The following DGKB variants were observed in gnomAD, a reference collection of about 807,000 sequenced individuals.
The protein encoded by DGKB is diacylglycerol kinase beta.
In DGKB, 67 loss-of-function variants were observed where a neutral mutation model predicts 114.3. The observed-to-expected ratio is 0.59, with a 90% CI of 0.48 to 0.72. The LOEUF is 0.72. Among genes scored for constraint, DGKB ranks in the 30% least tolerant of loss-of-function variants. The probability of loss-of-function intolerance (pLI) is 0.00; values close to 1 mark genes in which losing one functional copy is unlikely to be tolerated. For synonymous variants in DGKB, 398 were observed against 323.1 expected (o/e 1.23, Z -2.49); for missense variants, 907 against 975.2 (o/e 0.93, Z 0.93).
At chr7:14,700,780 G>A (rs1461863890) in intron 7 of DGKB, among the ~76,000 whole-genome samples, 2 of 151,970 alleles carry the variant, frequency 1.3e-5, no homozygotes, top group Non-Finnish European at 2.9e-5. Flanking sequence ...GTCTATTTCA[G>A]TCATTATTAA....
At chr7:14,340,447 G>C (rs1052051885) in intron 22 of DGKB, among the ~76,000 whole-genome samples, 13 of 151,352 alleles carry the variant, frequency 8.6e-5, no homozygotes, top group Non-Finnish European at 1.8e-4. Context: ...AACCTTATTT[G>C]CATGCATATT....
chr7:14,381,822 T>G (rs1429053123), intron 21 of DGKB, among the ~76,000 whole-genome samples: 1 of 152,176 alleles, frequency 6.6e-6, no homozygotes, highest in East Asian at 1.9e-4. Context: ...AAAAGTTTTC[T>G]TAAATTATAT....
intron 21 of DGKB, among the ~76,000 whole-genome samples, chr7:14,410,057 A>C (rs530033807): frequency 7.1e-4 from 108 of 152,180 alleles, no homozygotes; most frequent in African/African-American, 2.5e-3. Flanking sequence ...CTGTGTAGGA[A>C]GTTGGTATCC....
intron 1 of DGKB, among the ~76,000 whole-genome samples, chr7:14,953,211 G>A (rs1428705508): frequency 6.6e-6 from 1 of 151,972 alleles, no homozygotes; most frequent in African/African-American, 2.4e-5. Context: ...AAGTGAACAG[G>A]ACTTCAAAAT....
At chr7:14,430,297 C>T (rs773410072) in intron 21 of DGKB, among the ~76,000 whole-genome samples, 1 of 152,086 alleles carries the variant, frequency 6.6e-6, no homozygotes, top group Non-Finnish European at 1.5e-5. Context: ...GAAAGACTAA[C>T]AATGCTTGTT....
intron 2 of DGKB, among the ~76,000 whole-genome samples, chr7:14,804,727 G>T (rs980267339): frequency 6.6e-5 from 10 of 151,868 alleles, no homozygotes; most frequent in African/African-American, 2.2e-4. Flanking sequence ...GCTACTTTTG[G>T]GGAATAATCC....
intron 2 of DGKB, 44 bp from the exon 3 acceptor site, chr7:14,757,775 T>C: frequency 9.1e-7 from 1 of 1,094,596 alleles, no homozygotes; most frequent in Non-Finnish European, 1.4e-6. Context: ...ATGCACATAC[T>C]GTGGTTGTGT....
intron 23 of DGKB, among the ~76,000 whole-genome samples, chr7:14,295,559 C>T (rs1358431437): frequency 1.3e-5 from 2 of 151,784 alleles, no homozygotes; most frequent in African/African-American, 4.8e-5. Context: ...ATCCTGGAGA[C>T]TCACCTATTT....
intron 1 of DGKB, among the ~76,000 whole-genome samples, chr7:14,939,958 A>G (rs1303071713): frequency 6.6e-6 from 1 of 152,120 alleles, no homozygotes; most frequent in Non-Finnish European, 1.5e-5. Flanking sequence ...TTGAATGTTG[A>G]CTTCTTTTTT....
At chr7:14,766,286 T>G (rs1836445905) in intron 2 of DGKB, among the ~76,000 whole-genome samples, 2 of 151,952 alleles carry the variant, frequency 1.3e-5, no homozygotes, top group South Asian at 4.1e-4. Context: ...CATAATACAT[T>G]ATTAAGACAA....
chr7:14,733,839 A>G (rs1831294939), intron 5 of DGKB, among the ~76,000 whole-genome samples: 1 of 151,672 alleles, frequency 6.6e-6, no homozygotes, highest in Non-Finnish European at 1.5e-5. Flanking sequence ...GGAAGGAAGA[A>G]AGGAAGGAAA....
chr7:14,247,240 C>T (rs1794616874), intron 23 of DGKB, among the ~76,000 whole-genome samples: 1 of 148,550 alleles, frequency 6.7e-6, no homozygotes, highest in Admixed American at 6.7e-5. Flanking sequence ...TAGCACATTT[C>T]TTTATCTATC....
intron 5 of DGKB, 147 bp from the exon 6 acceptor site, chr7:14,718,832 C>T (rs1828674820): frequency 3.3e-6 from 2 of 614,212 alleles, no homozygotes; most frequent in Non-Finnish European, 5.6e-6. Context: ...AAGATCGGTA[C>T]AGCAGCTAGA....
chr7:14,817,070 A>G (rs1277636021), intron 2 of DGKB, among the ~76,000 whole-genome samples: 2 of 152,162 alleles, frequency 1.3e-5, no homozygotes, highest in African/African-American at 4.8e-5. Context: ...ATTTCAGGAA[A>G]TAGTCTACAC....
chr7:14,812,255 C>T lies in DGKB; in HGVS notation c.70+28939G>A, dbSNP rs565156320. On this transcript the variant is annotated intron_variant, in intron 2 of 25. Coordinates refer to ENST00000402815, the MANE Select transcript of DGKB (RefSeq NM_001350709.2). ...AATAATGCTGCTTTGAACATAATTT[C>T]CAAATATCTGTTTGAGTCATGGGCT... 3.3e-5 allele frequency among the ~76,000 whole-genome samples: 5 copies of T among 152,146 alleles called. No individual in the cohort carries two copies. The East Asian group carries it at 9.7e-4, about 29-fold the overall frequency.
At chr7:14,320,810 G>C (rs1202838020) in intron 23 of DGKB, among the ~76,000 whole-genome samples, 3 of 151,934 alleles carry the variant, frequency 2.0e-5, no homozygotes, top group Non-Finnish European at 2.9e-5. Context: ...TGCCCTTTCT[G>C]TTTGCATAAC....
intron 2 of DGKB, among the ~76,000 whole-genome samples, chr7:14,801,095 A>G (rs1053880519): frequency 3.9e-5 from 6 of 152,162 alleles, no homozygotes; most frequent in African/African-American, 1.4e-4. Flanking sequence ...GTGCATATAT[A>G]TATTTGATTC....
intron 17 of DGKB, among the ~76,000 whole-genome samples, chr7:14,604,303 A>G (rs1270527597): frequency 3.3e-5 from 5 of 152,134 alleles, no homozygotes; most frequent in Non-Finnish European, 5.9e-5. Context: ...AGTGAGTTTT[A>G]GTATTTGCCA....
At chr7:14,848,903 T>C (rs773807752) in intron 1 of DGKB, among the ~76,000 whole-genome samples, 5 of 152,110 alleles carry the variant, frequency 3.3e-5, no homozygotes, top group Middle Eastern at 3.2e-3. Context: ...TATCCCCTTC[T>C]CTTTTCAAAA....
Sources: gnomAD v4.1 joint callset for allele counts (sites outside exome capture counted in the v4.1 genomes callset) on GRCh38, gnomAD v4.1.1 for gene constraint, MANE v1.5 for transcripts, NCBI Gene and HGNC (gene_info 2026-07-23, HGNC 2026-07-21) for gene names.